AFAP1: variants seen among roughly 807,000 people sequenced by gnomAD.
AFAP1 encodes the protein actin filament-associated protein 1.
In AFAP1, 75 loss-of-function variants were observed where a neutral mutation model predicts 93.9. The observed-to-expected ratio is 0.80, with a 90% CI of 0.66 to 0.97. AFAP1 has a LOEUF of 0.97. Among genes scored for constraint, AFAP1 ranks in the 50% least tolerant of loss-of-function variants. AFAP1 has a pLI of 0.00. For synonymous variants in AFAP1, 517 were observed against 430.7 expected (o/e 1.20, Z -2.48); for missense variants, 1,201 against 1,050.8 (o/e 1.14, Z -1.98).
chr4:7,811,615 G>A (rs1238966534), intron 8 of AFAP1, among the ~76,000 whole-genome samples: 3 of 152,008 alleles, frequency 2.0e-5, no homozygotes, highest in Admixed American at 6.5e-5. Flanking sequence ...CCACCCTCCC[G>A]CTTAGGTCCT....
intron 3 of AFAP1, among the ~76,000 whole-genome samples, chr4:7,857,008 G>A (rs1231709719): frequency 6.6e-6 from 1 of 152,232 alleles, no homozygotes; most frequent in African/African-American, 2.4e-5. Flanking sequence ...GCCAGCTGGA[G>A]TTTTCAAACA....
chr4:7,780,737 C>G (rs544085652), intron 13 of AFAP1, among the ~76,000 whole-genome samples: 1 of 151,786 alleles, frequency 6.6e-6, no homozygotes, highest in Non-Finnish European at 1.5e-5. Flanking sequence ...GACAGTAGTT[C>G]AACATCACGG....
chr4:7,888,723 T>G (rs1349795907), intron 1 of AFAP1, among the ~76,000 whole-genome samples: 1 of 152,070 alleles, frequency 6.6e-6, no homozygotes, highest in Non-Finnish European at 1.5e-5. Context: ...AAAAAGACAT[T>G]ACAAGGAACC....
intron 1 of AFAP1, among the ~76,000 whole-genome samples, chr4:7,926,150 A>C (rs1360558750): frequency 6.6e-6 from 1 of 152,194 alleles, no homozygotes; most frequent in Non-Finnish European, 1.5e-5. Context: ...GGGTCACCCA[A>C]ATACAAGATA....
intron 1 of AFAP1, among the ~76,000 whole-genome samples, chr4:7,930,990 G>T (rs1377809579): frequency 1.3e-5 from 2 of 152,166 alleles, no homozygotes; most frequent in Non-Finnish European, 2.9e-5. Flanking sequence ...GGCCTCAAGT[G>T]ATCTGCCTGC....
rs964474569 is a variant in AFAP1, at chr4:7,763,237, C to CGTGGAGAGGGTA, written c.*516_*527dup. ...CCTCTGATGACGAGGGGGACGGGCA[C>CGTGGAGAGGGTA]GTGGAGAGGGTACGCCAAGACACAA... On this transcript the variant is annotated 3_prime_UTR_variant, in exon 18 of 18. Coordinates refer to ENST00000420658, the MANE Select transcript of AFAP1 (RefSeq NM_001134647.2). 1 of 153,250 alleles carries CGTGGAGAGGGTA rather than the reference C, an allele frequency of 6.5e-6. No homozygotes were observed. Among genetic ancestry groups the CGTGGAGAGGGTA allele is most frequent in the African/African-American group, 2.4e-5 (1 of 41,438 alleles). 9.5% of individuals were successfully genotyped at this position (153,250 alleles called of 1,614,324 possible).
At chr4:7,817,007 G>C (rs1331454776) in intron 7 of AFAP1, among the ~76,000 whole-genome samples, 1 of 152,202 alleles carries the variant, frequency 6.6e-6, no homozygotes, top group Non-Finnish European at 1.5e-5. Flanking sequence ...CAGGGCAACA[G>C]GTCCAGCCAG....
At chr4:7,928,030 A>T (rs964665693) in intron 1 of AFAP1, among the ~76,000 whole-genome samples, 1 of 152,188 alleles carries the variant, frequency 6.6e-6, no homozygotes. Context: ...CCCAATCATG[A>T]TAAGAATTTT....
chr4:7,881,454 C>A (rs1309401780), intron 1 of AFAP1, among the ~76,000 whole-genome samples: 9 of 152,200 alleles, frequency 5.9e-5, no homozygotes, highest in Admixed American at 5.9e-4. Flanking sequence ...GCCAATGCCA[C>A]TCATTTGGCC....
At position 7,879,516 on chromosome 4, in the gene AFAP1, G is replaced by A. The variant is rs372123774; in HGVS notation, c.-2-7436C>T. ...AGGAATAAATCACTGAATTCCAGAA[G>A]AAAAAATCTTCCCCAAACACCGACA... On this transcript the variant is annotated intron_variant, in intron 1 of 17. Coordinates refer to ENST00000420658, the MANE Select transcript of AFAP1 (RefSeq NM_001134647.2). Among the ~76,000 whole-genome samples the A allele has an allele frequency of 6.3e-3, 965 of 152,122 alleles. 8 individuals carry two copies. The highest frequency in any genetic ancestry group is 0.02 in the African/African-American group (846 of 41,490).
intron 7 of AFAP1, among the ~76,000 whole-genome samples, chr4:7,818,340 C>T (rs934537041): frequency 6.6e-6 from 1 of 152,184 alleles, no homozygotes; most frequent in Non-Finnish European, 1.5e-5. Context: ...TCTGCTTCTA[C>T]ATACATACAT....
chr4:7,847,228 G>A (rs1379412979), intron 4 of AFAP1, among the ~76,000 whole-genome samples: 1 of 152,070 alleles, frequency 6.6e-6, no homozygotes, highest in Non-Finnish European at 1.5e-5. Flanking sequence ...CAGAAAGTAT[G>A]CTTAGCGATG....
chr4:7,837,196 A>G (rs1344640143), intron 6 of AFAP1, among the ~76,000 whole-genome samples: 1 of 152,248 alleles, frequency 6.6e-6, no homozygotes, highest in Non-Finnish European at 1.5e-5. Flanking sequence ...ACTCTAAAAC[A>G]AAAACAAACC....
chr4:7,792,593 A>C (rs1487053299), intron 11 of AFAP1, among the ~76,000 whole-genome samples: 2 of 151,842 alleles, frequency 1.3e-5, no homozygotes, highest in African/African-American at 4.9e-5. Flanking sequence ...TTGCTTTTTA[A>C]AGTAAAAATA....
chr4:7,784,275 G>T (rs1375687444), intron 12 of AFAP1, among the ~76,000 whole-genome samples: 1 of 152,108 alleles, frequency 6.6e-6, no homozygotes, highest in Admixed American at 6.5e-5. Context: ...CTGAAGCTAG[G>T]ATGGGATCCT....
chr4:7,907,516 C>CA (rs199896242), intron 1 of AFAP1, among the ~76,000 whole-genome samples: 1,534 of 152,220 alleles, frequency 0.01, 15 homozygotes, highest in Non-Finnish European at 0.018. Context: ...TGTTTAGTAA[C>CA]AAAGTGAAAA....
At chr4:7,787,109 C>G (rs1161834167) in intron 11 of AFAP1, among the ~76,000 whole-genome samples, 2 of 152,258 alleles carry the variant, frequency 1.3e-5, no homozygotes, top group South Asian at 2.1e-4. Flanking sequence ...GAATTTCATA[C>G]ATGAAGAGTA....
At position 7,781,431 on chromosome 4, in the gene AFAP1, T is replaced by C. The variant is rs1274121694; in HGVS notation, c.1727A>G (p.Gln576Arg). 1.9e-6 allele frequency: 3 copies of C among 1,552,066 alleles called. No individual in the cohort carries two copies. Among genetic ancestry groups the C allele is most frequent in the Non-Finnish European group, 1.7e-6 (2 of 1,147,090 alleles). ...CACAGAAGAGGTATTAGTGACAGAC[T>C]GAGCGGAGGCAGGGTATTTGTAATG... Reference protein sequence around the residue: ...SNHYKYPASAQSVTNTSSVGR... With the variant: ...SNHYKYPASARSVTNTSSVGR... Residue 576 changes from glutamine to arginine, a missense_variant, in exon 13 of 18, where the codon CAG becomes CGG. Physicochemically the swap from Gln to Arg is conservative, Grantham distance 43 (BLOSUM62 1). Coordinates refer to ENST00000420658, the MANE Select transcript of AFAP1 (RefSeq NM_001134647.2).
At chr4:7,822,559 C>T (rs904044340) in intron 6 of AFAP1, among the ~76,000 whole-genome samples, 8 of 150,838 alleles carry the variant, frequency 5.3e-5, no homozygotes, top group African/African-American at 1.2e-4. Flanking sequence ...TCAAAAAAAA[C>T]GGTTGTCTTC....
Sources: gnomAD v4.1 joint callset for allele counts (sites outside exome capture counted in the v4.1 genomes callset) on GRCh38, gnomAD v4.1.1 for gene constraint, MANE v1.5 for transcripts, NCBI Gene and HGNC (gene_info 2026-07-23, HGNC 2026-07-21) for gene names.